Variants in COL4A6 observed in about 807,000 individuals in gnomAD.
COL4A6 encodes the protein collagen alpha-6(IV) chain.
COL4A6 carries 59 observed loss-of-function variants against 126.7 expected under a neutral mutation model. The observed-to-expected ratio is 0.47, with a 90% CI of 0.38 to 0.58. The LOEUF is 0.58. Ranked by LOEUF, COL4A6 falls within the 20% of genes least tolerant of loss-of-function variation. The pLI, the probability that COL4A6 is intolerant of heterozygous loss-of-function variation, is 0.00. For synonymous variants in COL4A6, 547 were observed against 496.6 expected (o/e 1.10, Z -1.35); for missense variants, 1,285 against 1,337.3 (o/e 0.96, Z 0.61).
intron 2 of COL4A6, among the ~76,000 whole-genome samples, chrX:108,402,466 C>T (rs1003503845): frequency 9.0e-6 from 1 of 110,662 alleles, no homozygotes; most frequent in African/African-American, 3.3e-5. Context: ...ATCCTCTCCG[C>T]TGCATGTTTG....
intron 2 of COL4A6, among the ~76,000 whole-genome samples, chrX:108,349,552 A>G (rs2039792681): frequency 8.9e-6 from 1 of 111,847 alleles, no homozygotes; most frequent in Non-Finnish European, 1.9e-5. Context: ...TAATGATTAT[A>G]ATAATACTTT....
At chrX:108,388,567 T>G (rs1417965940) in intron 2 of COL4A6, among the ~76,000 whole-genome samples, 2 of 111,650 alleles carry the variant, frequency 1.8e-5, no homozygotes, top group Non-Finnish European at 3.8e-5. Context: ...TGATATCCCC[T>G]TTATCATTTT....
chrX:108,282,711 G>A (rs1335234880), intron 3 of COL4A6, among the ~76,000 whole-genome samples: 9 of 107,487 alleles, frequency 8.4e-5, no homozygotes, highest in South Asian at 8.5e-4. Context: ...TGTTTATTGC[G>A]GCACTATTCA....
At chrX:108,262,979 T>A (rs974889965) in intron 3 of COL4A6, among the ~76,000 whole-genome samples, 1 of 111,248 alleles carries the variant, frequency 9.0e-6, no homozygotes, top group Non-Finnish European at 1.9e-5. Context: ...AACATTAAGG[T>A]ACATTCCATA....
At chrX:108,183,622 G>T in intron 23 of COL4A6, 1 of 528,245 alleles carries the variant, frequency 1.9e-6, no homozygotes, top group Middle Eastern at 6.9e-4. Context: ...ATCCAGTGTG[G>T]TGCTCAGGCC....
At chrX:108,168,381 A>C (rs1008372065) in intron 37 of COL4A6, among the ~76,000 whole-genome samples, 5 of 112,167 alleles carry the variant, frequency 4.5e-5, no homozygotes, top group African/African-American at 1.6e-4. Context: ...CAAACACAGA[A>C]ACTGCAGATG....
chrX:108,388,828 T>G (rs2040763494), intron 2 of COL4A6, among the ~76,000 whole-genome samples: 1 of 111,977 alleles, frequency 8.9e-6, no homozygotes, highest in African/African-American at 3.3e-5. Context: ...TTTTAGATCT[T>G]TCCTGCTTTC....
intron 3 of COL4A6, among the ~76,000 whole-genome samples, chrX:108,221,817 T>C (rs2036025718): frequency 8.9e-6 from 1 of 112,498 alleles, no homozygotes; most frequent in Non-Finnish European, 1.9e-5. Context: ...CTAAAGAACA[T>C]TGCCCCAGGG....
chrX:108,174,658 G>A (rs1444421256), intron 30 of COL4A6, 37 bp from the exon 31 acceptor site: 1 of 1,120,039 alleles, frequency 8.9e-7, no homozygotes, highest in Non-Finnish European at 1.2e-6. Context: ...AAAAGACACT[G>A]GGCAAGAAAA....
rs758862603 is a variant in COL4A6 at position 108,169,714 on chromosome X, C to T, written c.3566-94G>A. The T allele has an allele frequency of 2.8e-6, 3 of 1,058,973 alleles. No homozygotes were observed. In the East Asian group the frequency reaches 9.9e-5, roughly 35 times the overall value. The allele number at this position is 1,058,973 out of a possible 1,213,427, so 87.3% of individuals were successfully genotyped here. On this transcript the variant is annotated intron_variant, in intron 36 of 44. Transcript: ENST00000334504. ...CCTGTGGCCTGAGAAGCCTGACTGA[C>T]AGACACCAGAGGCAGAGTACTGAAG...
In COL4A6 at chrX:108,162,915, G is replaced by A; in HGVS notation, c.4193C>T (p.Ala1398Val). 8.4e-7 allele frequency: 1 copy of A among 1,196,368 alleles called. No individual in the cohort carries two copies. The highest frequency in any genetic ancestry group is 2.3e-5 in the Admixed American group (1 of 43,399). The change falls in exon 41 of 45, where the codon GCT becomes GTT. Residue 1398 changes from alanine to valine, a missense_variant. Transcript: ENST00000334504. ...ACCTTGTAGGCCTACAGGGCCTTGA[G>A]CCCCAGGGTCCCCAGTGAGGCCAGG... ...GIPGLTGDPGAQGPVGLQGSK... is the reference protein window; with the variant it reads ...GIPGLTGDPGVQGPVGLQGSK...
At chrX:108,423,188 A>G (rs1421500757) in intron 2 of COL4A6, among the ~76,000 whole-genome samples, 3 of 111,999 alleles carry the variant, frequency 2.7e-5, no homozygotes, top group African/African-American at 9.7e-5. Context: ...AACACATAGA[A>G]AATTTACAAG....
At chrX:108,264,256 T>G (rs2037241118) in intron 3 of COL4A6, among the ~76,000 whole-genome samples, 1 of 111,572 alleles carries the variant, frequency 9.0e-6, no homozygotes, top group South Asian at 3.8e-4. Flanking sequence ...TGCAGAGTAA[T>G]TTATCTACTG....
chrX:108,213,984 C>A (rs1602829036), intron 6 of COL4A6, 128 bp downstream of exon 6: 2 of 544,044 alleles, frequency 3.7e-6, no homozygotes, highest in East Asian at 3.3e-5. Context: ...AGTATTGACT[C>A]CTACATTGGA....
At chrX:108,239,754 C>T (rs903152057) in intron 3 of COL4A6, among the ~76,000 whole-genome samples, 4 of 111,574 alleles carry the variant, frequency 3.6e-5, no homozygotes, top group African/African-American at 1.3e-4. Context: ...GGTTTACTGG[C>T]CTTTTACTGT....
intron 3 of COL4A6, among the ~76,000 whole-genome samples, chrX:108,278,843 T>C (rs1319336437): frequency 2.7e-5 from 3 of 111,054 alleles, no homozygotes; most frequent in Non-Finnish European, 5.7e-5. Context: ...ATATTCAACA[T>C]TCTTAAAGAA....
chrX:108,396,354 A>G (rs763093411), intron 2 of COL4A6, among the ~76,000 whole-genome samples: 7 of 111,371 alleles, frequency 6.3e-5, no homozygotes, highest in Admixed American at 1.9e-4. Context: ...GCCTCCCAAG[A>G]ATGAATTCAC....
rs748465873 is a variant in COL4A6, at chrX:108,157,311, G to T, written c.4813-51C>A. ...TGAGCTGTGCCTGCCAAGGGTTGGT[G>T]TGGGGAGGGGATGGGTGCTCCACTG... On this transcript the variant is annotated intron_variant, in intron 44 of 44. Coordinates refer to ENST00000334504, the MANE Select transcript of COL4A6 (RefSeq NM_033641.4). 1.0e-5 allele frequency: 12 copies of T among 1,178,031 alleles called. No homozygotes were observed. The Admixed American group carries it at 2.7e-4, about 27-fold the overall frequency.
At chrX:108,380,620 G>T (rs898458419) in intron 2 of COL4A6, among the ~76,000 whole-genome samples, 1 of 112,067 alleles carries the variant, frequency 8.9e-6, no homozygotes, top group African/African-American at 3.2e-5. Context: ...AAATTTAGAG[G>T]CAACTATGGA....
Sources: gnomAD v4.1 joint callset for allele counts (sites outside exome capture counted in the v4.1 genomes callset) on GRCh38, gnomAD v4.1.1 for gene constraint, MANE v1.5 for transcripts, NCBI Gene and HGNC (gene_info 2026-07-23, HGNC 2026-07-21) for gene names.